Variants in DACH1 observed in about 807,000 individuals in gnomAD.
DACH1 encodes the protein dachshund family transcription factor 1.
Under a neutral mutation model 54.2 loss-of-function variants are expected in DACH1, and 12 were observed. The ratio of observed to expected loss-of-function variants is 0.22; its 90% CI spans 0.14 to 0.36. DACH1 has a LOEUF of 0.36. Ranked by LOEUF, DACH1 falls within the 10% of genes least tolerant of loss-of-function variation. DACH1 has a pLI of 1.00. For synonymous variants in DACH1, 386 were observed against 366.2 expected, an observed-to-expected ratio of 1.05 and a Z score of -0.62; for missense variants, 805 against 929.8, an observed-to-expected ratio of 0.87 and a Z score of 1.75.
chr13:71,730,840 A>AT (rs10708888), intron 1 of DACH1, among the ~76,000 whole-genome samples: 139 of 149,776 alleles, frequency 9.3e-4, no homozygotes, highest in Middle Eastern at 3.5e-3. Flanking sequence ...ACAAATCAGT[A>AT]TTTTTTTTTT....
chr13:71,562,026 G>C (rs1593898205), intron 4 of DACH1, among the ~76,000 whole-genome samples: 2 of 151,908 alleles, frequency 1.3e-5, no homozygotes, highest in East Asian at 1.9e-4. Context: ...AGAAAAAAGA[G>C]GTCAATTAAA....
At chr13:71,863,277 A>G (rs1874474597) in intron 1 of DACH1, among the ~76,000 whole-genome samples, 4 of 152,108 alleles carry the variant, frequency 2.6e-5, no homozygotes. Flanking sequence ...AATTTCTTCA[A>G]TCAGTGGCAG....
At chr13:71,633,333 T>C (rs17070958) in intron 2 of DACH1, among the ~76,000 whole-genome samples, 21,710 of 152,124 alleles carry the variant, frequency 0.14, 3,665 homozygotes, top group African/African-American at 0.4. Flanking sequence ...TTAGTAAACA[T>C]TAGGCATGCT....
At chr13:71,616,879 A>ATTT (rs1171502107) in intron 3 of DACH1, among the ~76,000 whole-genome samples, 10 of 140,304 alleles carry the variant, frequency 7.1e-5, no homozygotes, top group Admixed American at 7.2e-5. Context: ...TCGGGGTTCA[A>ATTT]TTTTTTTTTT....
At chr13:71,748,844 CTCTTTCTTTCTT>C (rs201889116) in intron 1 of DACH1, among the ~76,000 whole-genome samples, 1,988 of 130,960 alleles carry the variant, frequency 0.015, 85 homozygotes, top group East Asian at 0.067. Flanking sequence ...AATATTTTTT[CTCTTTCTTTCTT>C]TCTTTCTTTC....
intron 6 of DACH1, among the ~76,000 whole-genome samples, chr13:71,541,191 G>T (rs1883107588): frequency 6.6e-6 from 1 of 151,784 alleles, no homozygotes; most frequent in Admixed American, 6.6e-5. Context: ...ATTCTTTATG[G>T]TTCTATAGAA....
At chr13:71,759,580 A>G (rs116100553) in intron 1 of DACH1, among the ~76,000 whole-genome samples, 3,215 of 152,348 alleles carry the variant, frequency 0.021, 110 homozygotes, top group African/African-American at 0.071. Flanking sequence ...TTACTAAACC[A>G]AGAGAAATAG....
intron 1 of DACH1, among the ~76,000 whole-genome samples, chr13:71,831,403 C>A (rs1475112874): frequency 1.3e-5 from 2 of 151,452 alleles, no homozygotes; most frequent in Non-Finnish European, 3.0e-5. Flanking sequence ...TAGTAAGGTC[C>A]GAGAAACTGA....
intron 1 of DACH1, among the ~76,000 whole-genome samples, chr13:71,864,260 C>G (rs542580015): frequency 2.6e-4 from 39 of 151,756 alleles, no homozygotes; most frequent in Admixed American, 8.5e-4. Context: ...CAAACACACC[C>G]AAGTCCCATG....
intron 2 of DACH1, among the ~76,000 whole-genome samples, chr13:71,669,664 C>A (rs989324732): frequency 1.3e-5 from 2 of 152,144 alleles, no homozygotes; most frequent in Non-Finnish European, 2.9e-5. Flanking sequence ...ATGTTCTTCA[C>A]AAAGTCCTAT....
rs754568859 is a variant in DACH1 at position 71,866,053 on chromosome 13, C to T, written c.717G>A (p.Thr239=). The stretch of plus-strand genomic sequence containing the variant: ...CTTGTTCCACATTGCACACCACCGG[C>T]GTGATCTCCAGCCGCTTCAGCTTGG... ...VYTKLKRLEI[T]PVVCNVEQVR... The change falls in exon 1 of 11, where the codon ACG becomes ACA. Residue 239 remains threonine, a synonymous_variant. Coordinates refer to ENST00000613252, the MANE Select transcript of DACH1 (RefSeq NM_080759.6). 1 of 1,613,804 alleles carries T rather than the reference C, an allele frequency of 6.2e-7. No homozygotes were observed. Among genetic ancestry groups the T allele is most frequent in the Non-Finnish European group, 8.5e-7 (1 of 1,179,964 alleles).
At position 71,476,243 on chromosome 13, in the gene DACH1, G is replaced by T. The variant is rs1435176329; in HGVS notation, c.1871-394C>A. ...ATTTGGATAGTGCAAACGCTTATAA[G>T]CATGCCTCCTTCCTATTTCCTCATA... is the stretch of plus-strand genomic sequence containing the variant. On this transcript the variant is annotated intron_variant, in intron 8 of 10. Transcript: ENST00000613252. Among the ~76,000 whole-genome samples the T allele has an allele frequency of 2.0e-5, 3 of 152,146 alleles. No individual in the cohort carries two copies. The East Asian group carries it at 5.8e-4, about 29-fold the overall frequency.
chr13:71,525,188 C>G (rs1195301499), intron 6 of DACH1, among the ~76,000 whole-genome samples: 1 of 152,050 alleles, frequency 6.6e-6, no homozygotes, highest in East Asian at 1.9e-4. Context: ...GAGAAAAACA[C>G]GATTCATAAA....
chr13:71,624,308 A>G (rs2138551708), intron 3 of DACH1, among the ~76,000 whole-genome samples: 2 of 152,036 alleles, frequency 1.3e-5, no homozygotes, highest in South Asian at 4.1e-4. Context: ...CTTCCATTAA[A>G]ATATCCACTA....
intron 3 of DACH1, among the ~76,000 whole-genome samples, chr13:71,622,270 T>C (rs1876302543): frequency 6.6e-6 from 1 of 151,996 alleles, no homozygotes; most frequent in African/African-American, 2.4e-5. Flanking sequence ...ACAGGTGCAT[T>C]GGGCTCAGAG....
intron 1 of DACH1, among the ~76,000 whole-genome samples, chr13:71,773,561 A>C (rs1474864530): frequency 3.9e-5 from 6 of 151,966 alleles, no homozygotes; most frequent in Non-Finnish European, 8.8e-5. Context: ...ACTTGGCCCC[A>C]AGACTTTTAA....
rs114900377 is a variant in DACH1, at chr13:71,864,044, C to T, written c.848+1878G>A. Among the ~76,000 whole-genome samples the T allele has an allele frequency of 3.3e-3, 496 of 151,836 alleles. 5 individuals are homozygous for T. Among genetic ancestry groups the T allele is most frequent in the African/African-American group, 0.011 (436 of 41,364 alleles). On this transcript the variant is annotated intron_variant, in intron 1 of 10. Coordinates refer to ENST00000613252, the MANE Select transcript of DACH1 (RefSeq NM_080759.6). The stretch of plus-strand genomic sequence containing the variant: ...AAATAGTTTTAATATAGATTTTGGG[C>T]AAATATTTTACATTCTGCACGACCA...
At chr13:71,735,344 G>A (rs200439615) in intron 1 of DACH1, among the ~76,000 whole-genome samples, 1,218 of 25,674 alleles carry the variant, frequency 0.047, 240 homozygotes, top group African/African-American at 0.083. Flanking sequence ...CGGGATATAC[G>A]TGTATATGGG....
intron 4 of DACH1, among the ~76,000 whole-genome samples, chr13:71,571,581 G>A (rs1885200344): frequency 6.6e-6 from 1 of 152,094 alleles, no homozygotes; most frequent in South Asian, 2.1e-4. Context: ...CAGGTCTTCT[G>A]TGAGACTTTT....
Sources: gnomAD v4.1 joint callset for allele counts (sites outside exome capture counted in the v4.1 genomes callset) on GRCh38, gnomAD v4.1.1 for gene constraint, MANE v1.5 for transcripts, NCBI Gene and HGNC (gene_info 2026-07-23, HGNC 2026-07-21) for gene names.